Variants in ST3GAL3 observed in about 807,000 individuals in gnomAD.
ST3GAL3 encodes the protein CMP-N-acetylneuraminate-beta-1,4-galactoside alpha-2,3-sialyltransferase.
A neutral mutation model predicts 50.1 loss-of-function variants in ST3GAL3; 21 were observed. The observed-to-expected ratio is 0.42, with a 90% confidence interval of 0.30 to 0.60. ST3GAL3 has a LOEUF of 0.60. Ranked by LOEUF, ST3GAL3 falls within the 20% of genes least tolerant of loss-of-function variation. The pLI, the probability that ST3GAL3 is intolerant of heterozygous loss-of-function variation, is 0.19. For synonymous variants in ST3GAL3, 183 were observed against 190.0 expected, an observed-to-expected ratio of 0.96 and a Z score of 0.30; for missense variants, 353 against 489.4, an observed-to-expected ratio of 0.72 and a Z score of 2.63.
At chr1:43,708,173 C>T (rs1662491881) in intron 1 of ST3GAL3, 1 of 152,286 alleles carries the variant, frequency 6.6e-6, no homozygotes, top group Admixed American at 6.5e-5. Context: ...TGCTTCCTTT[C>T]CTTCTGGCAC....
chr1:43,800,196 C>A (rs1206453831), intron 3 of ST3GAL3, among the ~76,000 whole-genome samples: 5 of 152,184 alleles, frequency 3.3e-5, no homozygotes, highest in African/African-American at 1.2e-4. Context: ...CCAACATACA[C>A]CCATTTGAGA....
chr1:43,851,549 C>G (rs2067305259), intron 5 of ST3GAL3: 1 of 1,585,634 alleles, frequency 6.3e-7, no homozygotes, highest in Non-Finnish European at 8.7e-7. Flanking sequence ...AGCCTAGGGC[C>G]TCCAAAACTG....
chr1:43,800,117 T>G (rs1388730709), intron 3 of ST3GAL3, among the ~76,000 whole-genome samples: 1 of 152,150 alleles, frequency 6.6e-6, no homozygotes, highest in Non-Finnish European at 1.5e-5. Flanking sequence ...TGTGCTCAGA[T>G]GGAGGCCTGA....
chr1:43,858,319 G>A (rs989112971), intron 5 of ST3GAL3: 3 of 1,262,708 alleles, frequency 2.4e-6, no homozygotes, highest in East Asian at 1.1e-4. Context: ...GTGGGGCTTC[G>A]GCAGCAAGAC....
At chr1:43,817,832 C>CT (rs1321083857) in intron 4 of ST3GAL3, among the ~76,000 whole-genome samples, 1 of 109,156 alleles carries the variant, frequency 9.2e-6, no homozygotes, top group Non-Finnish European at 1.9e-5. Flanking sequence ...CTCTTCCTTC[C>CT]TCCTTCTTCT....
intron 4 of ST3GAL3, among the ~76,000 whole-genome samples, chr1:43,824,195 A>G (rs1274289576): frequency 6.6e-6 from 1 of 152,160 alleles, no homozygotes; most frequent in Non-Finnish European, 1.5e-5. Flanking sequence ...TCTTTCAAAT[A>G]TTGTTATTAG....
At chr1:43,798,359 G>A (rs1166360173) in intron 3 of ST3GAL3, among the ~76,000 whole-genome samples, 1 of 152,162 alleles carries the variant, frequency 6.6e-6, no homozygotes, top group Non-Finnish European at 1.5e-5. Context: ...AGCCTCTCCA[G>A]TGACCTTACA....
chr1:43,866,784 C>T (rs1014373708), intron 5 of ST3GAL3, among the ~76,000 whole-genome samples: 10 of 151,966 alleles, frequency 6.6e-5, no homozygotes, highest in Admixed American at 6.6e-4. Flanking sequence ...AGAGCAAGAT[C>T]ATGGGAGACC....
intron 5 of ST3GAL3, among the ~76,000 whole-genome samples, chr1:43,858,706 C>T (rs941613839): frequency 6.6e-6 from 1 of 152,200 alleles, no homozygotes; most frequent in African/African-American, 2.4e-5. Flanking sequence ...GATGAGGCAG[C>T]AGCTCAGCAG....
chr1:43,917,598 ATATATT>A (rs2082180686), intron 9 of ST3GAL3, among the ~76,000 whole-genome samples: 1 of 14,560 alleles, frequency 6.9e-5, no homozygotes, highest in Non-Finnish European at 1.8e-4. Flanking sequence ...TATATAATAT[ATATATT>A]ATATATTATA....
chr1:43,901,283 T>G (rs2078231217), intron 9 of ST3GAL3, among the ~76,000 whole-genome samples: 1 of 152,186 alleles, frequency 6.6e-6, no homozygotes, highest in African/African-American at 2.4e-5. Context: ...GGGCAAGAGC[T>G]CCTAAGGGGC....
intron 9 of ST3GAL3, chr1:43,914,127 G>A (rs2081390543): frequency 6.6e-6 from 1 of 152,240 alleles, no homozygotes; most frequent in Non-Finnish European, 1.5e-5. Flanking sequence ...AGGGGGTTGA[G>A]TTAATAAGCG....
chr1:43,792,091 T>G lies in ST3GAL3; in HGVS notation c.119-11T>G, dbSNP rs1351985193. The G allele has an allele frequency of 1.2e-6, 2 of 1,614,212 alleles. No homozygotes were observed. Among genetic ancestry groups the G allele is most frequent in the Non-Finnish European group, 1.7e-6 (2 of 1,180,022 alleles). On this transcript the variant is annotated splice_polypyrimidine_tract_variant and intron_variant, in intron 2 of 11. Coordinates refer to ENST00000347631, the MANE Select transcript of ST3GAL3 (RefSeq NM_006279.5). ...AGGAGAAAGAAATGAACTTGTCCTCTTGTGTTGCAGATTCAGTGGTTCTTT... is the reference window on the plus strand; with the variant it reads ...AGGAGAAAGAAATGAACTTGTCCTCGTGTGTTGCAGATTCAGTGGTTCTTT...
intron 1 of ST3GAL3, among the ~76,000 whole-genome samples, chr1:43,713,710 G>GT (rs1372688011): frequency 6.6e-6 from 1 of 151,676 alleles, no homozygotes; most frequent in African/African-American, 2.4e-5. Flanking sequence ...AATTTTTTGT[G>GT]TTTTTTATAG....
Position 43,899,429 on chromosome 1 carries a change from G to A in ST3GAL3, c.558-112G>A. ...CAGACAACTAGCGGGGGCACCTGGG[G>A]AGAATAGGTCCAGGTGACCTGGACT... On this transcript the variant is annotated intron_variant, in intron 8 of 11. Coordinates refer to ENST00000347631, the MANE Select transcript of ST3GAL3 (RefSeq NM_006279.5). This position sits in a 1 kb window ranked among gnomAD's most constrained non-coding sequence, Gnocchi z 5.4. The A allele has an allele frequency of 6.4e-7, 1 of 1,572,220 alleles. No homozygotes were observed. Among genetic ancestry groups the A allele is most frequent in the Non-Finnish European group, 8.6e-7 (1 of 1,156,396 alleles).
In ST3GAL3 at chr1:43,930,650, G is replaced by A; in HGVS notation, c.*429G>A. ...GCCATGCAGGAAGAGGCCCACTAGAGGGCCCATCAGGCAGTGTTACCTGTT... is the reference window on the plus strand; with the variant it reads ...GCCATGCAGGAAGAGGCCCACTAGAAGGCCCATCAGGCAGTGTTACCTGTT... On this transcript the variant is annotated 3_prime_UTR_variant, in exon 12 of 12. Coordinates refer to ENST00000347631, the MANE Select transcript of ST3GAL3 (RefSeq NM_006279.5). 3.1e-6 allele frequency: 1 copy of A among 326,780 alleles called. No homozygotes were observed. Among genetic ancestry groups the A allele is most frequent in the South Asian group, 2.6e-5 (1 of 37,798 alleles). 20.2% of individuals were successfully genotyped at this position (326,780 alleles called of 1,614,324 possible).
At chr1:43,778,498 T>C (rs1477661430) in intron 2 of ST3GAL3, among the ~76,000 whole-genome samples, 1 of 152,114 alleles carries the variant, frequency 6.6e-6, no homozygotes, top group Non-Finnish European at 1.5e-5. Flanking sequence ...CATTTGGGGT[T>C]TTTTTAAACT....
intron 3 of ST3GAL3, 118 bp downstream of exon 3, chr1:43,792,267 G>A (rs767086693): frequency 3.8e-5 from 49 of 1,277,090 alleles, no homozygotes; most frequent in Non-Finnish European, 5.1e-5. Flanking sequence ...AGAATTGGGG[G>A]AAGTCTCAAG....
At chr1:43,801,185 T>C in intron 3 of ST3GAL3, 4 of 431,016 alleles carry the variant, frequency 9.3e-6, no homozygotes, top group South Asian at 6.5e-5. Context: ...TACCAAACTT[T>C]ATATACCTCA....
Sources: allele counts gnomAD v4.1 joint callset (sites outside exome capture counted in the v4.1 genomes callset), GRCh38; gene constraint gnomAD v4.1.1; non-coding constraint Gnocchi (gnomAD v3.1); transcripts MANE v1.5; gene names NCBI Gene and HGNC (gene_info 2026-07-23, HGNC 2026-07-21).